The following MSRA variants were observed in gnomAD, a reference collection of about 807,000 sequenced individuals.
The protein encoded by MSRA is methionine sulfoxide reductase A, also known as mitochondrial peptide methionine sulfoxide reductase.
Under a neutral mutation model 31.3 loss-of-function variants are expected in MSRA, and 54 were observed. That is an observed-to-expected ratio of 1.73 (90% confidence interval 1.39 to 2.17). The LOEUF (loss-of-function observed/expected upper bound fraction) is 2.17, where lower values mean the gene tolerates loss of function less well. Among genes scored for constraint, MSRA ranks in the 30% most tolerant of loss-of-function variants. MSRA has a pLI of 0.00. For synonymous variants in MSRA, 169 were observed against 116.5 expected (o/e 1.45, Z -2.90); for missense variants, 507 against 300.9 (o/e 1.69, Z -5.07).
chr8:10,411,152 G>A (rs146401075), intron 5 of MSRA: 4 of 152,310 alleles, frequency 2.6e-5, no homozygotes, highest in East Asian at 3.9e-4. Context: ...AACCGAAGAG[G>A]CCAGAGTCCT....
chr8:10,368,393 G>A (rs926935200), intron 5 of MSRA, among the ~76,000 whole-genome samples: 1 of 152,234 alleles, frequency 6.6e-6, no homozygotes, highest in Non-Finnish European at 1.5e-5. Flanking sequence ...CATTTGATTT[G>A]CTAAAAGATG....
chr8:10,427,607 C>G (rs1181073670), intron 5 of MSRA, among the ~76,000 whole-genome samples: 1 of 152,176 alleles, frequency 6.6e-6, no homozygotes, highest in Non-Finnish European at 1.5e-5. Context: ...GACACTCTGT[C>G]TATCCTGGGA....
chr8:10,107,644 A>G (rs1396242311), intron 1 of MSRA, among the ~76,000 whole-genome samples: 1 of 152,240 alleles, frequency 6.6e-6, no homozygotes, highest in Non-Finnish European at 1.5e-5. Flanking sequence ...ACAAAAACCC[A>G]ACATGCTGTT....
chr8:10,305,409 C>CTT lies in MSRA; in HGVS notation c.436+3791_436+3792dup, dbSNP rs549346544. On this transcript the variant is annotated intron_variant, in intron 4 of 5. Coordinates refer to ENST00000317173, the MANE Select transcript of MSRA (RefSeq NM_012331.5). Reference sequence around the variant, plus strand: ...GATGAAGTCCCCATGTGTTTTCTTCCTTTTTTTTTTTTTTTTTTTTTCCGG... The same window carrying CTT: ...GATGAAGTCCCCATGTGTTTTCTTCCTTTTTTTTTTTTTTTTTTTTTTTCCGG... 6.2e-4 allele frequency among the ~76,000 whole-genome samples: 76 copies of CTT among 122,934 alleles called. 1 individual carries two copies. Among genetic ancestry groups the CTT allele is most frequent in the Non-Finnish European group, 7.8e-4 (48 of 61,174 alleles). The allele number at this position is 122,934 out of a possible 152,430, so 80.6% of individuals were successfully genotyped here. A position where few individuals can be genotyped will look rare whatever the true frequency, so the allele number is the denominator to read the frequency against.
chr8:10,280,863 C>T (rs1402445863), intron 3 of MSRA, among the ~76,000 whole-genome samples: 1 of 152,138 alleles, frequency 6.6e-6, no homozygotes, highest in Non-Finnish European at 1.5e-5. Flanking sequence ...ACAACATGGT[C>T]GATATTGAAA....
intron 5 of MSRA, among the ~76,000 whole-genome samples, chr8:10,376,343 T>C (rs1188144275): frequency 6.6e-6 from 1 of 152,192 alleles, no homozygotes; most frequent in African/African-American, 2.4e-5. Context: ...TAGCAAGGCA[T>C]CTGTAGGACT....
intron 1 of MSRA, among the ~76,000 whole-genome samples, chr8:10,199,713 CCCTCT>C (rs1808332751): frequency 6.6e-6 from 1 of 152,100 alleles, no homozygotes; most frequent in Non-Finnish European, 1.5e-5. Flanking sequence ...AGGAAGAATG[CCCTCT>C]ATTTGCATAA....
At chr8:10,377,104 T>C (rs1322115126) in intron 5 of MSRA, among the ~76,000 whole-genome samples, 2 of 152,266 alleles carry the variant, frequency 1.3e-5, no homozygotes, top group Non-Finnish European at 2.9e-5. Context: ...ATTCACGTTA[T>C]GCAGCTGGGT....
intron 3 of MSRA, among the ~76,000 whole-genome samples, chr8:10,270,174 C>T (rs1454393410): frequency 6.6e-6 from 1 of 152,072 alleles, no homozygotes; most frequent in Middle Eastern, 3.2e-3. Flanking sequence ...GGAATATTAT[C>T]AGAAAAATGT....
At position 10,267,760 on chromosome 8, in the gene MSRA, G is replaced by A. The variant is rs2975672; in HGVS notation, c.331+22537G>A. On this transcript the variant is annotated intron_variant, in intron 3 of 5. Transcript: ENST00000317173. ...ATTTCGCTATCTGCCAGAAGGGGAA[G>A]AGTATCCTTCTGGTGTACCCAAGTG... Among the ~76,000 whole-genome samples, 7 of 152,170 alleles carry A rather than the reference G, an allele frequency of 4.6e-5. No homozygotes were observed. The South Asian group carries it at 6.2e-4, about 14-fold the overall frequency.
intron 1 of MSRA, among the ~76,000 whole-genome samples, chr8:10,100,695 C>T (rs887432971): frequency 3.3e-5 from 5 of 152,108 alleles, no homozygotes; most frequent in Non-Finnish European, 7.4e-5. Flanking sequence ...CTGCAAAGCT[C>T]GACTTAAAAG....
intron 5 of MSRA, among the ~76,000 whole-genome samples, chr8:10,335,250 G>GTTTTTTTTTTTT (rs1170264568): frequency 9.6e-4 from 77 of 79,862 alleles, no homozygotes; most frequent in South Asian, 1.6e-3. Context: ...TCCCAGCTCT[G>GTTTTTTTTTTTT]TTTTTTTTTT....
intron 5 of MSRA, chr8:10,337,606 A>C: frequency 1.5e-6 from 1 of 661,254 alleles, no homozygotes; most frequent in Non-Finnish European, 2.7e-6. Context: ...GAAGTTGGTT[A>C]ATTTTTCTGG....
intron 5 of MSRA, among the ~76,000 whole-genome samples, chr8:10,343,838 T>C (rs1321377959): frequency 2.0e-5 from 3 of 152,244 alleles, no homozygotes; most frequent in Non-Finnish European, 4.4e-5. Flanking sequence ...TAACTAGTTT[T>C]ATCTACCCAA....
chr8:10,267,349 G>A (rs939827813), intron 3 of MSRA, among the ~76,000 whole-genome samples: 2 of 152,216 alleles, frequency 1.3e-5, no homozygotes, highest in Non-Finnish European at 2.9e-5. Flanking sequence ...GGCTGCAGTG[G>A]CTGGGGAGAG....
chr8:10,152,919 C>T (rs1451988452), intron 1 of MSRA, among the ~76,000 whole-genome samples: 2 of 152,176 alleles, frequency 1.3e-5, no homozygotes, highest in African/African-American at 4.8e-5. Context: ...CAGACACATA[C>T]TATGTAATTC....
chr8:10,328,040 TTTTTTTTTTTTTAG>T lies in MSRA; in HGVS notation c.543+8053_543+8066del, dbSNP rs915700256. Among the ~76,000 whole-genome samples, 5 of 139,312 alleles carry T rather than the reference TTTTTTTTTTTTTAG, an allele frequency of 3.6e-5. 1 individual carries two copies. Among genetic ancestry groups the T allele is most frequent in the African/African-American group, 1.3e-4 (5 of 37,074 alleles). The allele number at this position is 139,312 out of a possible 152,430, so 91.4% of individuals were successfully genotyped here. On this transcript the variant is annotated intron_variant, in intron 5 of 5. Transcript: ENST00000317173. ...ATCTCTATGGTAATTTTTTTTTTTTTTTTTTTTTTTTTAGTATCAGTGACACTCTGAGTGTAAAT... is the reference window on the plus strand; with the variant it reads ...ATCTCTATGGTAATTTTTTTTTTTTTTATCAGTGACACTCTGAGTGTAAAT...
At chr8:10,328,101 G>C (rs1389867579) in intron 5 of MSRA, among the ~76,000 whole-genome samples, 2 of 126,490 alleles carry the variant, frequency 1.6e-5, no homozygotes, top group African/African-American at 3.0e-5. Context: ...TTAGGGTCTA[G>C]AACTACCCTC....
chr8:10,215,462 T>A (rs1276005159), intron 2 of MSRA, among the ~76,000 whole-genome samples: 2 of 152,224 alleles, frequency 1.3e-5, no homozygotes, highest in African/African-American at 4.8e-5. Flanking sequence ...GCAGACCACC[T>A]GCTCTCCTCA....
Sources: allele counts gnomAD v4.1 joint callset (sites outside exome capture counted in the v4.1 genomes callset), GRCh38; gene constraint gnomAD v4.1.1; transcripts MANE v1.5; gene names NCBI Gene and HGNC (gene_info 2026-07-23, HGNC 2026-07-21).